EPB41: variants seen among roughly 807,000 people sequenced by gnomAD.
The protein encoded by EPB41 is protein 4.1.
In EPB41, 65 loss-of-function variants were observed where a neutral mutation model predicts 108.0. The ratio of observed to expected loss-of-function variants is 0.60; its 90% CI spans 0.49 to 0.74. The LOEUF is 0.74. EPB41 is among the 30% of genes least tolerant of loss of function. EPB41 has a pLI of 0.00. For synonymous variants in EPB41, 336 were observed against 358.9 expected (o/e 0.94, Z 0.72); for missense variants, 875 against 1,037.0 (o/e 0.84, Z 2.15).
At chr1:28,957,401 A>G (rs1272674917) in intron 1 of EPB41, among the ~76,000 whole-genome samples, 1 of 152,220 alleles carries the variant, frequency 6.6e-6, no homozygotes, top group Non-Finnish European at 1.5e-5. Flanking sequence ...CCTGACAGAA[A>G]CATTGCTAAA....
intron 16 of EPB41, chr1:29,065,756 A>G (rs1647278300): frequency 6.5e-6 from 1 of 152,858 alleles, no homozygotes; most frequent in Non-Finnish European, 1.5e-5. Flanking sequence ...CAGGCAGATC[A>G]CTTGAGTCCA....
At chr1:29,096,258 G>A in intron 16 of EPB41, 1 of 985,856 alleles carries the variant, frequency 1.0e-6, no homozygotes, top group Non-Finnish European at 1.2e-6. Context: ...GTAGTTCCTA[G>A]TAAAAGCCAG....
intron 16 of EPB41, chr1:29,070,473 T>G: frequency 8.1e-7 from 1 of 1,232,080 alleles, no homozygotes; most frequent in Non-Finnish European, 1.0e-6. Context: ...CTTCCCAAGG[T>G]TTCTATTCCA....
At chr1:29,079,701 G>A (rs1008875746) in intron 16 of EPB41, among the ~76,000 whole-genome samples, 2 of 152,150 alleles carry the variant, frequency 1.3e-5, no homozygotes, top group African/African-American at 2.4e-5. Context: ...TGTTTTGAAA[G>A]TAATAATTAG....
intron 1 of EPB41, among the ~76,000 whole-genome samples, chr1:28,941,322 A>G (rs934561466): frequency 2.6e-4 from 39 of 152,182 alleles, no homozygotes; most frequent in Admixed American, 1.7e-3. Context: ...CAAGACTACA[A>G]TGAGCTGTGA....
chr1:28,994,198 GTC>G (rs2096100873), intron 3 of EPB41, among the ~76,000 whole-genome samples: 1 of 151,874 alleles, frequency 6.6e-6, no homozygotes, highest in African/African-American at 2.4e-5. Context: ...TTGAGACAGA[GTC>G]TCTCTCTGTC....
At chr1:29,076,251 T>A (rs1654030855) in intron 16 of EPB41, among the ~76,000 whole-genome samples, 1 of 152,248 alleles carries the variant, frequency 6.6e-6, no homozygotes, top group African/African-American at 2.4e-5. Flanking sequence ...TTCCCTTGTT[T>A]TAACAGCTTT....
intron 4 of EPB41, among the ~76,000 whole-genome samples, chr1:28,999,685 G>A (rs1467692055): frequency 2.6e-5 from 4 of 152,138 alleles, no homozygotes; most frequent in African/African-American, 9.7e-5. Context: ...AGCTTCTAGG[G>A]CCCACGTTGG....
In EPB41 at chr1:29,030,482, GC is replaced by G. The variant is rs760035532; in HGVS notation, c.1208del (p.Ala403GlufsTer7). 1 of 1,612,678 alleles carries G rather than the reference GC, an allele frequency of 6.2e-7. No homozygotes were observed. Among genetic ancestry groups the G allele is most frequent in the Non-Finnish European group, 8.5e-7 (1 of 1,178,702 alleles). ...LSMYGVDLHK[A>X]KDLEGVDIIL... is the part of the protein sequence containing the mutation. ...TATGTATGGAGTTGATCTTCATAAAGCAAAGGTAATGATAACTTTGCCCTTT... is the reference window on the plus strand; with the variant it reads ...TATGTATGGAGTTGATCTTCATAAAGAAAGGTAATGATAACTTTGCCCTTT... On this transcript the variant is annotated frameshift_variant, in exon 8 of 21. Coordinates refer to ENST00000343067, the MANE Select transcript of EPB41 (RefSeq NM_001376013.1). LOFTEE classifies it high-confidence loss of function.
chr1:29,089,241 G>T (rs970960723), intron 16 of EPB41, among the ~76,000 whole-genome samples: 3 of 152,138 alleles, frequency 2.0e-5, no homozygotes, highest in African/African-American at 7.2e-5. Flanking sequence ...TAAAATGCTG[G>T]ACTAGACTAT....
chr1:29,057,457 G>C (rs1008733905), intron 12 of EPB41, among the ~76,000 whole-genome samples: 1 of 151,670 alleles, frequency 6.6e-6, no homozygotes, highest in Admixed American at 6.6e-5. Flanking sequence ...GTAATGGGGT[G>C]TGCTTAACTT....
At chr1:28,947,618 G>T (rs1351998340) in intron 1 of EPB41, among the ~76,000 whole-genome samples, 2 of 151,564 alleles carry the variant, frequency 1.3e-5, no homozygotes, top group African/African-American at 2.4e-5. Context: ...CTTGAGGCCA[G>T]CAGTTTGAGA....
intron 1 of EPB41, among the ~76,000 whole-genome samples, chr1:28,924,084 A>G (rs2093305119): frequency 1.3e-5 from 2 of 152,332 alleles, no homozygotes; most frequent in Admixed American, 1.3e-4. Context: ...ACACTCAGGC[A>G]GTCTGTAGTG....
At chr1:28,895,351 T>G (rs1325908962) in intron 1 of EPB41, among the ~76,000 whole-genome samples, 1 of 152,018 alleles carries the variant, frequency 6.6e-6, no homozygotes, top group East Asian at 1.9e-4. Flanking sequence ...CCTAGTGACC[T>G]AGGAGACCCT....
intron 1 of EPB41, among the ~76,000 whole-genome samples, chr1:28,888,854 C>T (rs942160857): frequency 6.6e-6 from 1 of 152,184 alleles, no homozygotes; most frequent in African/African-American, 2.4e-5. Flanking sequence ...GTCTCGATCT[C>T]CTGACCTCGT....
intron 1 of EPB41, among the ~76,000 whole-genome samples, chr1:28,972,518 T>C (rs1481027346): frequency 6.6e-6 from 1 of 152,166 alleles, no homozygotes; most frequent in Non-Finnish European, 1.5e-5. Flanking sequence ...TTAGTCACCA[T>C]AGAAATGACT....
chr1:29,037,861 T>C (rs1640092592), intron 10 of EPB41, among the ~76,000 whole-genome samples: 3 of 152,190 alleles, frequency 2.0e-5, no homozygotes, highest in Admixed American at 2.0e-4. Context: ...AACGTTTCTT[T>C]ATTATGGAAA....
rs576869580 is a variant in EPB41, at chr1:29,013,820, C to T, written c.830-1872C>T. Among the ~76,000 whole-genome samples, 6 of 146,786 alleles carry T rather than the reference C, an allele frequency of 4.1e-5. No individual in the cohort carries two copies. The East Asian group carries it at 6.2e-4, about 15-fold the overall frequency. On this transcript the variant is annotated intron_variant, in intron 5 of 20. Coordinates refer to ENST00000343067, the MANE Select transcript of EPB41 (RefSeq NM_001376013.1). ...TTGGGATTACAGGCGTGAGCCACGG[C>T]GCCCAGCCCTTAAGTTTTTTTTTTT...
At chr1:28,999,904 C>A (rs2096262813) in intron 4 of EPB41, among the ~76,000 whole-genome samples, 1 of 152,124 alleles carries the variant, frequency 6.6e-6, no homozygotes, top group Admixed American at 6.5e-5. Flanking sequence ...CCACCTCAGT[C>A]TTCTAAGTAG....
Sources: allele counts gnomAD v4.1 joint callset (sites outside exome capture counted in the v4.1 genomes callset), GRCh38; gene constraint gnomAD v4.1.1; transcripts MANE v1.5; gene names NCBI Gene and HGNC (gene_info 2026-07-23, HGNC 2026-07-21).